Variants in GRID2 observed in about 807,000 individuals in gnomAD.
GRID2 encodes glutamate receptor ionotropic, delta-2.
A neutral mutation model predicts 114.8 loss-of-function variants in GRID2; 33 were observed. That is an observed-to-expected ratio of 0.29 (90% confidence interval 0.22 to 0.38). The LOEUF (loss-of-function observed/expected upper bound fraction) is 0.38, where lower values mean the gene tolerates loss of function less well. Among genes scored for constraint, GRID2 ranks in the 10% least tolerant of loss-of-function variants. GRID2 has a pLI of 1.00. For missense variants in GRID2, 1,184 were observed against 1,257.7 expected (o/e 0.94, Z 0.89); for synonymous variants, 505 against 449.9 (o/e 1.12, Z -1.55).
At chr4:92,307,396 G>C (rs1291552107) in intron 1 of GRID2, among the ~76,000 whole-genome samples, 1 of 152,056 alleles carries the variant, frequency 6.6e-6, no homozygotes, top group Non-Finnish European at 1.5e-5. Context: ...CAAGCAGAAA[G>C]TAGCTGCAAT....
At chr4:92,913,306 G>T (rs1748525210) in intron 2 of GRID2, among the ~76,000 whole-genome samples, 1 of 151,830 alleles carries the variant, frequency 6.6e-6, no homozygotes, top group Non-Finnish European at 1.5e-5. Flanking sequence ...CCTAGTATAA[G>T]GAGGGGAATA....
At chr4:93,795,269 A>G (rs981160303) in intron 1 of GRID2, among the ~76,000 whole-genome samples, 9 of 152,032 alleles carry the variant, frequency 5.9e-5, no homozygotes, top group Admixed American at 3.9e-4. Context: ...TCTTTAAAGG[A>G]AAATACTTTC....
rs575005524 is a variant in GRID2, at chr4:92,823,483, A to G, written c.244+233197A>G. Among the ~76,000 whole-genome samples the G allele has an allele frequency of 4.8e-4, 73 of 152,282 alleles. 2 individuals are homozygous for G. In the South Asian group the frequency reaches 8.1e-3, roughly 17 times the overall value. ...CTCAGGGAAGCAAATTATGCTGTCTATAGTCACACAGATAGAAAGGTTGGA... is the reference window on the plus strand; with the variant it reads ...CTCAGGGAAGCAAATTATGCTGTCTGTAGTCACACAGATAGAAAGGTTGGA... On this transcript the variant is annotated intron_variant, in intron 2 of 15. Coordinates refer to ENST00000282020, the MANE Select transcript of GRID2 (RefSeq NM_001510.4).
chr4:93,618,131 T>C (rs1741877115), intron 13 of GRID2, among the ~76,000 whole-genome samples: 1 of 152,188 alleles, frequency 6.6e-6, no homozygotes, highest in Admixed American at 6.5e-5. Context: ...AGCTTACATT[T>C]ATGAGCATTT....
Position 93,013,210 on chromosome 4 carries a change from C to T in GRID2, c.245-71785C>T, listed in dbSNP as rs17263092. Among the ~76,000 whole-genome samples, 482 of 151,928 alleles carry T rather than the reference C, an allele frequency of 3.2e-3. 2 individuals are homozygous for T. The highest frequency in any genetic ancestry group is 8.6e-3 in the African/African-American group (355 of 41,452). Reference sequence around the variant, plus strand: ...ACAGTGGTAGAGGAAGTTGACATAACGAAAAACATCTAAATAAGTAGGTGG... The same window carrying T: ...ACAGTGGTAGAGGAAGTTGACATAATGAAAAACATCTAAATAAGTAGGTGG... On this transcript the variant is annotated intron_variant, in intron 2 of 15. Coordinates refer to ENST00000282020, the MANE Select transcript of GRID2 (RefSeq NM_001510.4).
rs181077499 is a variant in GRID2 at position 92,365,459 on chromosome 4, T to A, written c.88+60715T>A. 1.7e-3 allele frequency among the ~76,000 whole-genome samples: 263 copies of A among 151,714 alleles called. 1 individual carries two copies. The highest frequency in any genetic ancestry group is 6.0e-3 in the African/African-American group (250 of 41,428). On this transcript the variant is annotated intron_variant, in intron 1 of 15. Transcript: ENST00000282020. ...ATTTCATAAGAAGTAGAGAGTAGAATGAGAGTTAACAGAGACTGGGTGGTG... is the reference window on the plus strand; with the variant it reads ...ATTTCATAAGAAGTAGAGAGTAGAAAGAGAGTTAACAGAGACTGGGTGGTG...
chr4:92,434,348 T>G (rs938081265), intron 1 of GRID2, among the ~76,000 whole-genome samples: 2 of 152,170 alleles, frequency 1.3e-5, no homozygotes, highest in Non-Finnish European at 2.9e-5. Flanking sequence ...AAGGAGTATG[T>G]GTATATTTGG....
chr4:92,724,831 A>G lies in GRID2; in HGVS notation c.244+134545A>G, dbSNP rs1273439335. Among the ~76,000 whole-genome samples the G allele has an allele frequency of 2.6e-5, 4 of 152,294 alleles. No individual in the cohort carries two copies. The East Asian group carries it at 5.8e-4, about 22-fold the overall frequency. On this transcript the variant is annotated intron_variant, in intron 2 of 15. Coordinates refer to ENST00000282020, the MANE Select transcript of GRID2 (RefSeq NM_001510.4). ...AAGTACCATGGAAATACTAGCTCTC[A>G]TTAAGAATTCATGATTCTAGAATGA...
chr4:92,647,288 T>C (rs1355916988), intron 2 of GRID2, among the ~76,000 whole-genome samples: 1 of 152,072 alleles, frequency 6.6e-6, no homozygotes, highest in African/African-American at 2.4e-5. Flanking sequence ...ATATAATTGC[T>C]TTACTATTAC....
intron 2 of GRID2, among the ~76,000 whole-genome samples, chr4:93,055,749 A>C (rs1321091553): frequency 5.9e-5 from 9 of 151,894 alleles, no homozygotes; most frequent in Non-Finnish European, 8.8e-5. Context: ...AAAAAACAAA[A>C]AGCATAAAGT....
chr4:93,466,500 C>T (rs904934195), intron 11 of GRID2, among the ~76,000 whole-genome samples: 1 of 152,256 alleles, frequency 6.6e-6, no homozygotes, highest in South Asian at 2.1e-4. Flanking sequence ...ATATTTATAA[C>T]CCACTTTTAA....
chr4:92,364,498 C>CA (rs1437489698), intron 1 of GRID2, among the ~76,000 whole-genome samples: 1 of 151,800 alleles, frequency 6.6e-6, no homozygotes, highest in African/African-American at 2.4e-5. Context: ...TATTCAATAA[C>CA]AAAAAATGAA....
intron 12 of GRID2, among the ~76,000 whole-genome samples, chr4:93,491,785 C>T (rs140165814): frequency 1.3e-5 from 2 of 151,666 alleles, no homozygotes; most frequent in Admixed American, 1.3e-4. Context: ...TTAGTAGCCA[C>T]AAAACTATTA....
At chr4:93,252,519 T>A (rs116622814) in intron 8 of GRID2, among the ~76,000 whole-genome samples, 6 of 152,230 alleles carry the variant, frequency 3.9e-5, no homozygotes, top group African/African-American at 9.6e-5. Context: ...CCAGCTTTGT[T>A]CTTTTAGCTT....
At chr4:93,703,650 C>T (rs1234477527) in intron 14 of GRID2, among the ~76,000 whole-genome samples, 1 of 115,666 alleles carries the variant, frequency 8.6e-6, no homozygotes, top group South Asian at 3.7e-4. Context: ...CCCCCCTCCC[C>T]CCACCCCACA....
chr4:92,786,827 T>G (rs887338157), intron 2 of GRID2, among the ~76,000 whole-genome samples: 1 of 151,834 alleles, frequency 6.6e-6, no homozygotes, highest in South Asian at 2.1e-4. Context: ...AGGGAGGAAG[T>G]TCCCATCTTT....
intron 1 of GRID2, among the ~76,000 whole-genome samples, chr4:92,576,720 C>T (rs893275943): frequency 6.6e-6 from 1 of 152,288 alleles, no homozygotes; most frequent in East Asian, 1.9e-4. Context: ...GTTTGCAAAG[C>T]TCTGTGGTAG....
chr4:93,354,592 T>G (rs1761129352), intron 8 of GRID2, among the ~76,000 whole-genome samples: 1 of 151,450 alleles, frequency 6.6e-6, no homozygotes, highest in South Asian at 2.1e-4. Flanking sequence ...ATTAGGACTT[T>G]TAAACACTTA....
Position 93,584,657 on chromosome 4 carries a change from G to A in GRID2, c.2194-41612G>A, listed in dbSNP as rs1373894721. ...AATTTAACATAAGCTCTTAATATAA[G>A]CTCCATCAAGTTCAAGACATTTTTG... On this transcript the variant is annotated intron_variant, in intron 13 of 15. Coordinates refer to ENST00000282020, the MANE Select transcript of GRID2 (RefSeq NM_001510.4). 3.3e-5 allele frequency among the ~76,000 whole-genome samples: 5 copies of A among 152,178 alleles called. No homozygotes were observed. In the East Asian group the frequency reaches 9.7e-4, roughly 29 times the overall value.
Sources: allele counts gnomAD v4.1 joint callset (sites outside exome capture counted in the v4.1 genomes callset), GRCh38; gene constraint gnomAD v4.1.1; transcripts MANE v1.5; gene names NCBI Gene and HGNC (gene_info 2026-07-23, HGNC 2026-07-21).